MCTP1: variants seen among roughly 807,000 people sequenced by gnomAD.
The protein encoded by MCTP1 is multiple C2 and transmembrane domain-containing protein 1.
In MCTP1, 69 loss-of-function variants were observed where a neutral mutation model predicts 120.6. That is an observed-to-expected ratio of 0.57 (90% CI 0.47 to 0.70). MCTP1 has a LOEUF of 0.70. Among genes scored for constraint, MCTP1 ranks in the 30% least tolerant of loss-of-function variants. MCTP1 has a pLI of 0.00. For synonymous variants in MCTP1, 529 were observed against 493.1 expected, an observed-to-expected ratio of 1.07 and a Z score of -0.96; for missense variants, 1,203 against 1,248.8, an observed-to-expected ratio of 0.96 and a Z score of 0.55.
intron 1 of MCTP1, among the ~76,000 whole-genome samples, chr5:95,211,616 T>C (rs1425209602): frequency 1.3e-5 from 2 of 152,208 alleles, no homozygotes; most frequent in Admixed American, 6.5e-5. Flanking sequence ...TGCCTTTGGT[T>C]TGAATTTCCT....
chr5:95,007,693 T>C (rs1029232622), intron 2 of MCTP1, among the ~76,000 whole-genome samples: 1 of 152,232 alleles, frequency 6.6e-6, no homozygotes, highest in African/African-American at 2.4e-5. Flanking sequence ...TTATATCTGG[T>C]AGAAGTTCTC....
At chr5:94,940,618 GTA>G (rs1273019362) in intron 4 of MCTP1, among the ~76,000 whole-genome samples, 4 of 143,060 alleles carry the variant, frequency 2.8e-5, no homozygotes, top group Admixed American at 7.0e-5. Context: ...ATATATATGT[GTA>G]TATATATACA....
chr5:94,875,394 G>A (rs1798622499), intron 12 of MCTP1, among the ~76,000 whole-genome samples: 1 of 152,064 alleles, frequency 6.6e-6, no homozygotes, highest in South Asian at 2.1e-4. Flanking sequence ...CAGGTGGGGG[G>A]TTGGAGGGGT....
chr5:95,272,168 T>C (rs1759461227), intron 1 of MCTP1, among the ~76,000 whole-genome samples: 1 of 152,228 alleles, frequency 6.6e-6, no homozygotes, highest in South Asian at 2.1e-4. Context: ...TCTCTGTGTG[T>C]GCATACGTGT....
rs376613512 is a variant in MCTP1, at chr5:94,722,452, A to T, written c.2611-7566T>A. On this transcript the variant is annotated intron_variant, in intron 19 of 22. Coordinates refer to ENST00000515393, the MANE Select transcript of MCTP1 (RefSeq NM_024717.7). Reference sequence around the variant, plus strand: ...GCTGTATTAATCAGAATTAGCAGGTATGTAGAATATATTTGCTACAAATAT... The same window carrying T: ...GCTGTATTAATCAGAATTAGCAGGTTTGTAGAATATATTTGCTACAAATAT... Among the ~76,000 whole-genome samples the T allele has an allele frequency of 2.6e-5, 4 of 152,324 alleles. No individual in the cohort carries two copies. In the East Asian group the frequency reaches 7.7e-4, roughly 29 times the overall value.
chr5:94,739,560 C>T (rs1400530175), intron 19 of MCTP1: 1 of 152,200 alleles, frequency 6.6e-6, no homozygotes, highest in East Asian at 1.9e-4. Flanking sequence ...TGCCCAAACC[C>T]AGCCTTTTGG....
chr5:95,230,165 CACAT>C (rs1055872840), intron 1 of MCTP1, among the ~76,000 whole-genome samples: 4 of 116,586 alleles, frequency 3.4e-5, no homozygotes, highest in Admixed American at 1.6e-4. Context: ...CAAATACACA[CACAT>C]ATACACATAC....
rs1293215831 is a variant in MCTP1 at position 94,833,202 on chromosome 5, C to CT, written c.2437-34071dup. On this transcript the variant is annotated intron_variant, in intron 17 of 22. Transcript: ENST00000515393. Reference sequence around the variant, plus strand: ...GAATCAGGTCAATAAGTTTTGTGTGCTTTTTTTTTGGCATTATGTTTTATT... The same window carrying CT: ...GAATCAGGTCAATAAGTTTTGTGTGCTTTTTTTTTTGGCATTATGTTTTATT... Among the ~76,000 whole-genome samples the CT allele has an allele frequency of 1.4e-3, 214 of 150,460 alleles. 2 individuals are homozygous for CT. The highest frequency in any genetic ancestry group is 3.2e-3 in the African/African-American group (130 of 40,956).
intron 1 of MCTP1, among the ~76,000 whole-genome samples, chr5:95,252,771 A>G (rs970454729): frequency 6.6e-6 from 1 of 152,098 alleles, no homozygotes; most frequent in Non-Finnish European, 1.5e-5. Context: ...AAGAATGTGT[A>G]GAGTCATATT....
intron 12 of MCTP1, among the ~76,000 whole-genome samples, chr5:94,886,872 C>CGT (rs369897697): frequency 2.5e-3 from 374 of 151,504 alleles, no homozygotes; most frequent in African/African-American, 8.1e-3. Context: ...TACATGTGTG[C>CGT]GTGTGTGTGT....
intron 19 of MCTP1, among the ~76,000 whole-genome samples, chr5:94,731,357 ACAAATT>A (rs918007710): frequency 2.0e-5 from 3 of 152,178 alleles, no homozygotes; most frequent in Admixed American, 6.5e-5. Flanking sequence ...TATTTGCTTA[ACAAATT>A]TAAACAATTA....
chr5:95,015,109 A>G (rs1836836978), intron 2 of MCTP1, among the ~76,000 whole-genome samples: 1 of 152,116 alleles, frequency 6.6e-6, no homozygotes, highest in South Asian at 2.1e-4. Context: ...TTCACACTTA[A>G]TAGACTACAG....
chr5:95,251,153 G>C (rs1757345936), intron 1 of MCTP1, among the ~76,000 whole-genome samples: 1 of 152,042 alleles, frequency 6.6e-6, no homozygotes, highest in African/African-American at 2.4e-5. Flanking sequence ...CGGCTGGTGA[G>C]GTTTAGGAGA....
At chr5:95,045,473 A>G (rs1030926496) in intron 1 of MCTP1, among the ~76,000 whole-genome samples, 1 of 152,212 alleles carries the variant, frequency 6.6e-6, no homozygotes, top group African/African-American at 2.4e-5. Context: ...TTGCTGAATA[A>G]ATGAATGAAG....
At chr5:94,916,333 G>T (rs147184585) in intron 8 of MCTP1, among the ~76,000 whole-genome samples, 280 of 152,206 alleles carry the variant, frequency 1.8e-3, no homozygotes, top group African/African-American at 6.6e-3. Context: ...GCTTGGGCAT[G>T]TTTCTCCCTC....
intron 1 of MCTP1, among the ~76,000 whole-genome samples, chr5:95,038,883 C>T (rs992788497): frequency 6.6e-6 from 1 of 152,124 alleles, no homozygotes; most frequent in African/African-American, 2.4e-5. Flanking sequence ...ACTTTACTGC[C>T]TCAAGCAAAT....
At chr5:95,060,379 C>G (rs1172586898) in intron 1 of MCTP1, among the ~76,000 whole-genome samples, 1 of 152,150 alleles carries the variant, frequency 6.6e-6, no homozygotes, top group Non-Finnish European at 1.5e-5. Context: ...GTGGGTTAAA[C>G]AGGATATGGG....
intron 1 of MCTP1, among the ~76,000 whole-genome samples, chr5:95,109,244 G>A (rs944896695): frequency 5.9e-5 from 9 of 152,110 alleles, no homozygotes; most frequent in African/African-American, 2.2e-4. Context: ...CCCATTGCAG[G>A]AGGATGCACC....
At chr5:94,719,042 A>G (rs899362271) in intron 19 of MCTP1, among the ~76,000 whole-genome samples, 3 of 152,232 alleles carry the variant, frequency 2.0e-5, no homozygotes, top group Non-Finnish European at 1.5e-5. Flanking sequence ...TATACAGCCA[A>G]CAAACTTATG....
Sources: gnomAD v4.1 joint callset for allele counts (sites outside exome capture counted in the v4.1 genomes callset) on GRCh38, gnomAD v4.1.1 for gene constraint, MANE v1.5 for transcripts, NCBI Gene and HGNC (gene_info 2026-07-23, HGNC 2026-07-21) for gene names.